NEDD4L: variants seen among roughly 807,000 people sequenced by gnomAD.
NEDD4L encodes E3 ubiquitin-protein ligase NEDD4-like.
A neutral mutation model predicts 148.9 loss-of-function variants in NEDD4L; 54 were observed. That is an observed-to-expected ratio of 0.36 (90% CI 0.29 to 0.45). NEDD4L has a LOEUF of 0.45. Ranked by LOEUF, NEDD4L falls within the 20% of genes least tolerant of loss-of-function variation. The pLI, the probability that NEDD4L is intolerant of heterozygous loss-of-function variation, is 1.00. For synonymous variants in NEDD4L, 433 were observed against 440.7 expected (o/e 0.98, Z 0.22); for missense variants, 856 against 1,233.8 (o/e 0.69, Z 4.59).
chr18:58,333,092 T>C (rs1416964891), intron 11 of NEDD4L, among the ~76,000 whole-genome samples: 1 of 151,802 alleles, frequency 6.6e-6, no homozygotes, highest in African/African-American at 2.4e-5. Context: ...GCCTGACCAA[T>C]ATGGTGAAAC....
intron 5 of NEDD4L, among the ~76,000 whole-genome samples, chr18:58,263,459 G>T (rs751314064): frequency 1.3e-5 from 2 of 151,924 alleles, no homozygotes; most frequent in South Asian, 2.1e-4. Context: ...TCTTTCTTGG[G>T]GGTTAGATGG....
At chr18:58,082,102 A>ATATTTT in intron 1 of NEDD4L, among the ~76,000 whole-genome samples, 10 of 48,832 alleles carry the variant, frequency 2.0e-4, no homozygotes, top group Non-Finnish European at 2.8e-4. Context: ...ATATATATAT[A>ATATTTT]TTTTTTTTTT....
intron 24 of NEDD4L, among the ~76,000 whole-genome samples, chr18:58,377,320 A>G (rs545402442): frequency 6.6e-6 from 1 of 152,336 alleles, no homozygotes; most frequent in East Asian, 1.9e-4. Flanking sequence ...TCACTTCCAC[A>G]GTGGGGCAAA....
chr18:58,165,874 T>A lies in NEDD4L; in HGVS notation c.122+13T>A, dbSNP rs753257618. 2.5e-6 allele frequency: 4 copies of A among 1,593,280 alleles called. No individual in the cohort carries two copies. The highest frequency in any genetic ancestry group is 3.4e-6 in the Non-Finnish European group (4 of 1,167,450). On this transcript the variant is annotated intron_variant, in intron 2 of 30. Coordinates refer to ENST00000400345, the MANE Select transcript of NEDD4L (RefSeq NM_001144967.3). ...TCTTTGGAGCCAGGTATGTTGGCTT[T>A]GTTTTTATTTCTGTGGACTTCTGAA... is the stretch of plus-strand genomic sequence containing the variant.
At chr18:58,333,775 G>T (rs542099119) in intron 11 of NEDD4L, 43 bp from the exon 12 acceptor site, 1 of 1,461,312 alleles carries the variant, frequency 6.8e-7, no homozygotes, top group East Asian at 2.3e-5. Context: ...TTGCTTTTAA[G>T]AATATATTTC....
intron 1 of NEDD4L, among the ~76,000 whole-genome samples, chr18:58,152,480 T>C (rs2034903222): frequency 6.6e-6 from 1 of 152,248 alleles, no homozygotes; most frequent in East Asian, 1.9e-4. Context: ...CAAGTTTTCT[T>C]TGGGGAAGAG....
intron 24 of NEDD4L, among the ~76,000 whole-genome samples, chr18:58,379,103 G>A (rs1035870979): frequency 6.6e-6 from 1 of 152,226 alleles, no homozygotes; most frequent in African/African-American, 2.4e-5. Context: ...AGAAAGCCCT[G>A]GGAGGGCGGG....
intron 5 of NEDD4L, among the ~76,000 whole-genome samples, chr18:58,301,724 G>A (rs565839057): frequency 6.6e-6 from 1 of 152,214 alleles, no homozygotes; most frequent in Admixed American, 6.5e-5. Flanking sequence ...TGAATCGTAC[G>A]GTAGAAACAT....
At chr18:58,265,883 A>G (rs915929752) in intron 5 of NEDD4L, among the ~76,000 whole-genome samples, 1 of 151,970 alleles carries the variant, frequency 6.6e-6, no homozygotes, top group African/African-American at 2.4e-5. Context: ...TTATTTATGG[A>G]GTTTATAAAG....
chr18:58,208,404 A>G (rs2147618726), intron 2 of NEDD4L, among the ~76,000 whole-genome samples: 1 of 152,316 alleles, frequency 6.6e-6, no homozygotes, highest in African/African-American at 2.4e-5. Context: ...GCCTGTTGTC[A>G]TAGGGTCTAA....
intron 5 of NEDD4L, among the ~76,000 whole-genome samples, chr18:58,279,930 T>G (rs1483966045): frequency 6.6e-6 from 1 of 152,174 alleles, no homozygotes; most frequent in Non-Finnish European, 1.5e-5. Flanking sequence ...TCTCTGATTT[T>G]TGTGGTTCCT....
intron 23 of NEDD4L, among the ~76,000 whole-genome samples, chr18:58,370,928 A>C (rs1424497702): frequency 2.0e-5 from 3 of 152,262 alleles, no homozygotes; most frequent in Non-Finnish European, 4.4e-5. Flanking sequence ...GCCACAGCTC[A>C]GGCAAGTGAA....
intron 19 of NEDD4L, among the ~76,000 whole-genome samples, chr18:58,358,334 A>G (rs2044985689): frequency 6.6e-6 from 1 of 152,148 alleles, no homozygotes; most frequent in Non-Finnish European, 1.5e-5. Context: ...TTTTTTCTCT[A>G]TGCGGCTTAA....
At chr18:58,097,435 G>A (rs1244301240) in intron 1 of NEDD4L, among the ~76,000 whole-genome samples, 1 of 152,192 alleles carries the variant, frequency 6.6e-6, no homozygotes, top group East Asian at 1.9e-4. Flanking sequence ...ACAGCACCAG[G>A]CAAAGTGTTC....
chr18:58,279,332 C>T (rs111616170), intron 5 of NEDD4L, among the ~76,000 whole-genome samples: 19 of 152,166 alleles, frequency 1.2e-4, no homozygotes, highest in African/African-American at 2.7e-4. Context: ...GAAGTTCAAA[C>T]GAAGAAGAAG....
At chr18:58,159,094 T>G (rs1053607480) in intron 1 of NEDD4L, among the ~76,000 whole-genome samples, 1 of 151,758 alleles carries the variant, frequency 6.6e-6, no homozygotes, top group Non-Finnish European at 1.5e-5. Flanking sequence ...GACCCAACAT[T>G]AAGAGAGGGA....
intron 1 of NEDD4L, among the ~76,000 whole-genome samples, chr18:58,095,172 A>T (rs1354531646): frequency 6.6e-6 from 1 of 152,030 alleles, no homozygotes; most frequent in Non-Finnish European, 1.5e-5. Flanking sequence ...CTCCGATGTC[A>T]CTCATCTGGG....
chr18:58,343,344 A>G (rs2042663134), intron 16 of NEDD4L, among the ~76,000 whole-genome samples: 1 of 152,128 alleles, frequency 6.6e-6, no homozygotes, highest in African/African-American at 2.4e-5. Context: ...GGGAAGCTCT[A>G]GTTTAGACAG....
At chr18:58,101,370 A>G (rs1599277081) in intron 1 of NEDD4L, among the ~76,000 whole-genome samples, 1 of 152,180 alleles carries the variant, frequency 6.6e-6, no homozygotes, top group Non-Finnish European at 1.5e-5. Context: ...GGGTCTGTGA[A>G]TGGCTGAACT....
Sources: gnomAD v4.1 joint callset for allele counts (sites outside exome capture counted in the v4.1 genomes callset) on GRCh38, gnomAD v4.1.1 for gene constraint, MANE v1.5 for transcripts, NCBI Gene and HGNC (gene_info 2026-07-23, HGNC 2026-07-21) for gene names.